CXADR: variants seen among roughly 807,000 people sequenced by gnomAD.
CXADR encodes the protein CXADR cell adhesion molecule.
Under a neutral mutation model 40.3 loss-of-function variants are expected in CXADR, and 20 were observed. That is an observed-to-expected ratio of 0.50 (90% confidence interval 0.35 to 0.72). CXADR has a LOEUF of 0.72. CXADR is among the 30% of genes least tolerant of loss of function. CXADR has a pLI of 0.01. For synonymous variants in CXADR, 150 were observed against 161.3 expected (o/e 0.93, Z 0.53); for missense variants, 332 against 449.1 (o/e 0.74, Z 2.36).
intron 3 of CXADR, among the ~76,000 whole-genome samples, chr21:17,555,614 G>A (rs768039599): frequency 2.0e-5 from 3 of 151,152 alleles, no homozygotes; most frequent in Non-Finnish European, 3.0e-5. Context: ...AATCCACATG[G>A]CATTTATATC....
the CXADR span, among the ~76,000 whole-genome samples, chr21:17,602,866 A>G: frequency 5.9e-5 from 9 of 152,242 alleles, no homozygotes; most frequent in Non-Finnish European, 1.2e-4. Context: ...AAATGTTTAT[A>G]TAATTATGTA....
the CXADR span, among the ~76,000 whole-genome samples, chr21:17,624,204 A>G: frequency 1.6e-4 from 25 of 152,052 alleles, no homozygotes; most frequent in Non-Finnish European, 1.5e-4. Context: ...ATCTCCTGCT[A>G]TACTCACCTC....
Position 17,593,239 on chromosome 21 carries a change from T to C in CXADR, c.*46T>C, listed in dbSNP as rs1192311109. 2.9e-6 allele frequency: 4 copies of C among 1,367,182 alleles called. No individual in the cohort carries two copies. The East Asian group carries it at 8.3e-5, about 28-fold the overall frequency. The allele number at this position is 1,367,182 out of a possible 1,614,324, so 84.7% of individuals were successfully genotyped here. On this transcript the variant is annotated 3_prime_UTR_variant, in exon 8 of 8. Coordinates refer to the CXADR transcript ENST00000400169. ...TGAAGTATTGTATTATTTGACTTTA[T>C]TTTAGGCCTCTAGTAAAGACTTAAA...
At chr21:17,592,820 A>G (rs551502531) in intron 7 of CXADR, among the ~76,000 whole-genome samples, 120 of 152,060 alleles carry the variant, frequency 7.9e-4, no homozygotes, top group African/African-American at 2.7e-3. Context: ...TTAAAGCTAG[A>G]AAAGTCTCTA....
chr21:17,516,849 CAT>C (rs2060467881), intron 1 of CXADR, among the ~76,000 whole-genome samples: 1 of 152,020 alleles, frequency 6.6e-6, no homozygotes, highest in Non-Finnish European at 1.5e-5. Flanking sequence ...TGAGGTAATG[CAT>C]ATGTTAATTC....
chr21:17,565,252 C>T (rs946565351), intron 6 of CXADR, among the ~76,000 whole-genome samples, 176 bp from the exon 7 acceptor site: 14 of 151,920 alleles, frequency 9.2e-5, no homozygotes, highest in Admixed American at 2.6e-4. Context: ...CAATTTATGA[C>T]GTTATGGCTT....
chr21:17,555,859 C>G (rs140280235), intron 3 of CXADR, among the ~76,000 whole-genome samples: 11 of 152,238 alleles, frequency 7.2e-5, no homozygotes, highest in Admixed American at 1.3e-4. Context: ...TGCCTGGAGT[C>G]AGGGTATTTT....
the CXADR span, among the ~76,000 whole-genome samples, chr21:17,601,808 T>A: frequency 6.6e-6 from 1 of 152,120 alleles, no homozygotes; most frequent in African/African-American, 2.4e-5. Context: ...TTGAGAAAAA[T>A]TCCTGCCTTT....
At position 17,514,565 on chromosome 21, in the gene CXADR, G is replaced by GA. The variant is rs11289742; in HGVS notation, c.43+1407dup. 8.8e-3 allele frequency among the ~76,000 whole-genome samples: 1,254 copies of GA among 142,446 alleles called. 2 individuals are homozygous for GA. The highest frequency in any genetic ancestry group is 0.011 in the Middle Eastern group (3 of 278). The allele number at this position is 142,446 out of a possible 152,430, so 93.5% of individuals were successfully genotyped here. Reference sequence around the variant, plus strand: ...GTTGAGAACACAGTGTGTTCTCTGGGAAAAAAAAAAAAAATAGTTTTAGAC... The same window carrying GA: ...GTTGAGAACACAGTGTGTTCTCTGGGAAAAAAAAAAAAAAATAGTTTTAGAC... On this transcript the variant is annotated intron_variant, in intron 1 of 6. Transcript: ENST00000284878.
intron 1 of CXADR, among the ~76,000 whole-genome samples, chr21:17,519,910 G>C (rs560539917): frequency 3.3e-5 from 5 of 152,110 alleles, no homozygotes; most frequent in African/African-American, 1.2e-4. Flanking sequence ...AGTGAGCTGA[G>C]ATCGCGCCAC....
downstream of CXADR, among the ~76,000 whole-genome samples, chr21:17,595,702 T>C (rs1204057278): frequency 3.9e-5 from 6 of 151,942 alleles, no homozygotes; most frequent in Non-Finnish European, 7.4e-5. Flanking sequence ...AAAACAATGA[T>C]ACACAACGAA....
chr21:17,581,388 G>A (rs2123380891), intron 7 of CXADR, among the ~76,000 whole-genome samples: 1 of 152,280 alleles, frequency 6.6e-6, no homozygotes, highest in East Asian at 1.9e-4. Flanking sequence ...TGTTGTGGCA[G>A]CTTATGCTTT....
Position 17,579,884 on chromosome 21 carries a change from TAA to T in CXADR, c.1018-13258_1018-13257del, listed in dbSNP as rs35908570. Among the ~76,000 whole-genome samples the T allele has an allele frequency of 5.0e-3, 740 of 148,558 alleles. 3 individuals carry two copies. Among genetic ancestry groups the T allele is most frequent in the African/African-American group, 0.017 (704 of 40,590 alleles). On this transcript the variant is annotated intron_variant, in intron 7 of 7. Transcript: ENST00000400169. The stretch of plus-strand genomic sequence containing the variant: ...TTGTTCCATTCCTGTTGTATTTTAT[TAA>T]AAAAAAAAACAACCTTTCCTATTCA...
At chr21:17,581,572 G>A (rs1335807665) in intron 7 of CXADR, among the ~76,000 whole-genome samples, 3 of 152,110 alleles carry the variant, frequency 2.0e-5, no homozygotes, top group African/African-American at 7.2e-5. Context: ...GACCAGACAC[G>A]GTGGCTCACA....
intron 7 of CXADR, among the ~76,000 whole-genome samples, chr21:17,579,265 T>A (rs1238017281): frequency 1.3e-5 from 2 of 150,092 alleles, no homozygotes; most frequent in African/African-American, 4.9e-5. Flanking sequence ...ACGGTCTTAC[T>A]TTTCTTTTTC....
downstream of CXADR, among the ~76,000 whole-genome samples, chr21:17,594,959 A>G (rs2061485807): frequency 1.3e-5 from 2 of 151,950 alleles, no homozygotes; most frequent in Non-Finnish European, 2.9e-5. Context: ...ATGTTTACCT[A>G]TGGAACAAAC....
chr21:17,535,598 G>A (rs191209363), intron 1 of CXADR, among the ~76,000 whole-genome samples: 1 of 152,250 alleles, frequency 6.6e-6, no homozygotes, highest in Non-Finnish European at 1.5e-5. Flanking sequence ...GACGGGTTTT[G>A]ACATTTTTCA....
At chr21:17,591,720 T>A (rs916158389) in intron 7 of CXADR, among the ~76,000 whole-genome samples, 3 of 151,916 alleles carry the variant, frequency 2.0e-5, no homozygotes, top group African/African-American at 7.2e-5. Flanking sequence ...GATAAACCAC[T>A]CCTGCTTGAA....
chr21:17,595,605 A>C (rs1279593821), downstream of CXADR, among the ~76,000 whole-genome samples: 2 of 152,100 alleles, frequency 1.3e-5, no homozygotes, highest in South Asian at 2.1e-4. Flanking sequence ...TCATTTTTCT[A>C]CAGCTAGATA....
Sources: allele counts gnomAD v4.1 joint callset (sites outside exome capture counted in the v4.1 genomes callset), GRCh38; gene constraint gnomAD v4.1.1; transcripts MANE v1.5; gene names NCBI Gene and HGNC (gene_info 2026-07-23, HGNC 2026-07-21).